SYNE1: variants seen among roughly 807,000 people sequenced by gnomAD.
SYNE1 encodes spectrin repeat containing nuclear envelope protein 1.
Under a neutral mutation model 1,111.0 loss-of-function variants are expected in SYNE1, and 616 were observed. The ratio of observed to expected loss-of-function variants is 0.55; its 90% CI spans 0.52 to 0.59. SYNE1 has a LOEUF of 0.59. Ranked by LOEUF, SYNE1 falls within the 20% of genes least tolerant of loss-of-function variation. The pLI, the probability that SYNE1 is intolerant of heterozygous loss-of-function variation, is 0.00. For synonymous variants in SYNE1, 3,855 were observed against 3,825.8 expected (o/e 1.01, Z -0.28); for missense variants, 10,006 against 10,417.0 (o/e 0.96, Z 1.72).
intron 127 of SYNE1, among the ~76,000 whole-genome samples, chr6:152,196,990 G>A (rs930223026): frequency 6.6e-6 from 1 of 152,190 alleles, no homozygotes; most frequent in Non-Finnish European, 1.5e-5. Context: ...GCTAGGTCTT[G>A]TGTAAATGCT....
At chr6:152,206,124 G>C (rs749174618) in intron 126 of SYNE1, 44 bp downstream of exon 126, 1 of 1,581,504 alleles carries the variant, frequency 6.3e-7, no homozygotes, top group African/African-American at 1.3e-5. Context: ...GTAGTACAAC[G>C]ACTAAAAGGG....
intron 3 of SYNE1, among the ~76,000 whole-genome samples, chr6:152,557,668 G>A (rs1229728380): frequency 6.6e-6 from 1 of 152,124 alleles, no homozygotes; most frequent in Non-Finnish European, 1.5e-5. Context: ...TATAATCAAA[G>A]TGCTGGTGGG....
chr6:152,168,092 GA>G (rs1177989712), intron 130 of SYNE1: 1 of 780,750 alleles, frequency 1.3e-6, no homozygotes, highest in Non-Finnish European at 2.4e-6. Flanking sequence ...TACAATGGAA[GA>G]AACTCAAGAA....
intron 125 of SYNE1, 124 bp downstream of exon 125, chr6:152,207,848 T>A: frequency 1.1e-6 from 1 of 910,354 alleles, no homozygotes; most frequent in South Asian, 1.4e-5. Flanking sequence ...TCTGTTGACA[T>A]TTGAGAACAA....
intron 55 of SYNE1, among the ~76,000 whole-genome samples, chr6:152,382,915 G>A (rs1218749032): frequency 2.0e-5 from 3 of 152,088 alleles, no homozygotes; most frequent in Admixed American, 6.6e-5. Flanking sequence ...TTCTTATCTT[G>A]TATTTACATT....
At chr6:152,244,411 G>A (rs2086564112) in intron 106 of SYNE1, 126 bp downstream of exon 106, 1 of 1,426,086 alleles carries the variant, frequency 7.0e-7, no homozygotes, top group African/African-American at 1.4e-5. Flanking sequence ...AGAGTTGCTT[G>A]GTAGAAAGGT....
chr6:152,344,309 C>T, intron 73 of SYNE1, 82 bp from the exon 74 acceptor site: 1 of 1,575,934 alleles, frequency 6.3e-7, no homozygotes. Flanking sequence ...GAAACATGAC[C>T]AGTACATCTA....
chr6:152,276,672 A>G (rs1033188458), intron 98 of SYNE1, among the ~76,000 whole-genome samples: 4 of 152,008 alleles, frequency 2.6e-5, no homozygotes, highest in Non-Finnish European at 5.9e-5. Flanking sequence ...TCCTCATTTT[A>G]CTTGGAGAAC....
chr6:152,136,636 A>G lies in SYNE1; in HGVS notation c.25641T>C (p.Asp8547=), dbSNP rs1372148339. Residue 8547 remains aspartate, a synonymous_variant, in exon 141 of 146, where the codon GAT becomes GAC. Transcript: ENST00000367255. The part of the protein sequence containing the change: ...LLEEWRGLLQ[D]ALMQCQGFHE... Reference sequence around the variant, plus strand: ...TACAGACCTGGCACTGCATCAGGGCATCCTGCAGCAGGCCCCGCCACTCCT... The same window carrying G: ...TACAGACCTGGCACTGCATCAGGGCGTCCTGCAGCAGGCCCCGCCACTCCT... 1 of 1,613,610 alleles carries G rather than the reference A, an allele frequency of 6.2e-7. No individual in the cohort carries two copies.
intron 36 of SYNE1, 28 bp downstream of exon 36, chr6:152,430,084 T>C (rs1316199460): frequency 4.6e-6 from 5 of 1,076,334 alleles, no homozygotes; most frequent in Non-Finnish European, 3.8e-6. Context: ...AGTTGGTAAA[T>C]AGTAGAAATG....
chr6:152,353,845 A>C, intron 67 of SYNE1, 101 bp from the exon 68 acceptor site: 1 of 1,462,882 alleles, frequency 6.8e-7, no homozygotes, highest in Middle Eastern at 1.7e-4. Flanking sequence ...TAGGTTTAGA[A>C]GATGTTTATT....
chr6:152,541,422 G>C (rs1306496287), intron 3 of SYNE1, among the ~76,000 whole-genome samples: 1 of 151,950 alleles, frequency 6.6e-6, no homozygotes, highest in East Asian at 1.9e-4. Flanking sequence ...CCTTGATTTG[G>C]CTCTCAGGTT....
At chr6:152,562,097 G>A (rs1477761488) in intron 3 of SYNE1, among the ~76,000 whole-genome samples, 1 of 152,108 alleles carries the variant, frequency 6.6e-6, no homozygotes, top group South Asian at 2.1e-4. Flanking sequence ...GCACAGCAAA[G>A]GGAACATCAA....
chr6:152,332,215 C>G (rs1163125507), intron 77 of SYNE1, among the ~76,000 whole-genome samples: 1 of 152,142 alleles, frequency 6.6e-6, no homozygotes, highest in Non-Finnish European at 1.5e-5. Context: ...CTCAGGTGAT[C>G]CACCTGCCTC....
chr6:152,629,489 AGCCACCGT>A (rs2099693343), intron 2 of SYNE1, among the ~76,000 whole-genome samples: 1 of 107,780 alleles, frequency 9.3e-6, no homozygotes. Flanking sequence ...TACAGGTGTG[AGCCACCGT>A]GCCTGGCTGG....
intron 123 of SYNE1, among the ~76,000 whole-genome samples, chr6:152,213,247 A>G (rs922177661): frequency 2.6e-5 from 4 of 152,218 alleles, no homozygotes; most frequent in Non-Finnish European, 5.9e-5. Context: ...ATAGTCTCTT[A>G]AGCAATTGTC....
chr6:152,365,635 T>G (rs79641951), intron 62 of SYNE1, among the ~76,000 whole-genome samples: 1 of 110,372 alleles, frequency 9.1e-6, no homozygotes, highest in East Asian at 3.1e-4. Flanking sequence ...AATTTAAATG[T>G]TTTTTTTTTT....
chr6:152,361,847 A>T (rs995743046), intron 64 of SYNE1, among the ~76,000 whole-genome samples: 4 of 28,736 alleles, frequency 1.4e-4, no homozygotes, highest in South Asian at 7.3e-4. Flanking sequence ...GGATGTGATA[A>T]AAAAAAAAAA....
chr6:152,509,854 G>A (rs572386080), intron 8 of SYNE1, among the ~76,000 whole-genome samples: 2 of 152,126 alleles, frequency 1.3e-5, no homozygotes, highest in Non-Finnish European at 2.9e-5. Flanking sequence ...TAAACTTCAA[G>A]TTTATTTATA....
Sources: gnomAD v4.1 joint callset for allele counts (sites outside exome capture counted in the v4.1 genomes callset) on GRCh38, gnomAD v4.1.1 for gene constraint, MANE v1.5 for transcripts, NCBI Gene and HGNC (gene_info 2026-07-23, HGNC 2026-07-21) for gene names.